Variants in SRFBP1 observed in about 807,000 individuals in gnomAD.
SRFBP1 encodes the protein serum response factor binding protein 1, also known as serum response factor-binding protein 1.
A neutral mutation model predicts 45.5 loss-of-function variants in SRFBP1; 47 were observed. The observed-to-expected ratio is 1.03, with a 90% CI of 0.82 to 1.32. The LOEUF is 1.32. Among genes scored for constraint, SRFBP1 ranks in the 40% most tolerant of loss-of-function variants. The probability of loss-of-function intolerance (pLI) is 0.00; values close to 1 mark genes in which losing one functional copy is unlikely to be tolerated. For synonymous variants in SRFBP1, 203 were observed against 166.3 expected, an observed-to-expected ratio of 1.22 and a Z score of -1.70; for missense variants, 621 against 484.6, an observed-to-expected ratio of 1.28 and a Z score of -2.64.
In SRFBP1 at chr5:122,057,457, T is replaced by TTC. The variant is rs1427279150; in HGVS notation, n.312-17856_312-17855dup. 5.5e-5 allele frequency among the ~76,000 whole-genome samples: 4 copies of TTC among 73,382 alleles called. No homozygotes were observed. The East Asian group carries it at 1.6e-3, about 30-fold the overall frequency. The allele number at this position is 73,382 out of a possible 152,430, so 48.1% of individuals were successfully genotyped here. A position where few individuals can be genotyped will look rare whatever the true frequency, so the allele number is the denominator to read the frequency against. On this transcript the variant is annotated intron_variant and non_coding_transcript_variant, in intron 2 of 2. Transcript: ENST00000504881. ...TATATGCCATTTGGATTGTTCTCAG[T>TTC]TCTGTGTGTGTGTGTGTGTGTGTGT...
intron 2 of SRFBP1, among the ~76,000 whole-genome samples, chr5:122,072,794 G>C (rs140828694): frequency 6.6e-6 from 1 of 152,190 alleles, no homozygotes; most frequent in Non-Finnish European, 1.5e-5. Context: ...CCCAAAGAAG[G>C]GGGGGAACCA....
At chr5:122,059,264 C>T (rs1168488255) in intron 2 of SRFBP1, among the ~76,000 whole-genome samples, 1 of 152,106 alleles carries the variant, frequency 6.6e-6, no homozygotes, top group African/African-American at 2.4e-5. Flanking sequence ...CATCTCTGGT[C>T]AGTCTAGACC....
chr5:122,020,951 G>T, intron 6 of SRFBP1, 149 bp downstream of exon 6: 1 of 659,372 alleles, frequency 1.5e-6, no homozygotes, highest in East Asian at 3.1e-5. Context: ...TTGTAGTGGG[G>T]TATTAGGTAC....
downstream of SRFBP1, among the ~76,000 whole-genome samples, chr5:122,029,185 GTGT>G (rs1753552914): frequency 6.6e-6 from 1 of 152,088 alleles, no homozygotes; most frequent in Non-Finnish European, 1.5e-5. Flanking sequence ...CTGCTAAGCT[GTGT>G]GTAATATATA....
chr5:122,049,447 G>A (rs964534617), intron 2 of SRFBP1, among the ~76,000 whole-genome samples: 1 of 152,078 alleles, frequency 6.6e-6, no homozygotes, highest in Non-Finnish European at 1.5e-5. Flanking sequence ...ACACCCCACT[G>A]TCAACATTAG....
At position 121,975,493 on chromosome 5, in the gene SRFBP1, G is replaced by A. The variant is rs140242680; in HGVS notation, c.198+106G>A. On this transcript the variant is annotated intron_variant, in intron 3 of 7. Coordinates refer to ENST00000339397, the MANE Select transcript of SRFBP1 (RefSeq NM_152546.3). ...TTATTTGAATATTCCCGAGAGTTGC[G>A]TAAGACATCTTGTATCAGTCTGTTT... The A allele has an allele frequency of 6.8e-4, 802 of 1,182,266 alleles. 5 individuals carry two copies. In the African/African-American group the frequency reaches 0.011, roughly 16 times the overall value. The allele number at this position is 1,182,266 out of a possible 1,614,324, so 73.2% of individuals were successfully genotyped here. A position where few individuals can be genotyped will look rare whatever the true frequency, so the allele number is the denominator to read the frequency against.
chr5:122,000,869 T>TAA (rs1167890195), intron 4 of SRFBP1, among the ~76,000 whole-genome samples: 1 of 152,174 alleles, frequency 6.6e-6, no homozygotes, highest in Non-Finnish European at 1.5e-5. Context: ...ATTTTTATGA[T>TAA]AAACTATAAG....
At chr5:122,052,551 T>C (rs962250226) in intron 2 of SRFBP1, among the ~76,000 whole-genome samples, 6 of 152,230 alleles carry the variant, frequency 3.9e-5, no homozygotes, top group Non-Finnish European at 8.8e-5. Context: ...CTGTGAATAC[T>C]GTGTTTGCAT....
chr5:122,011,809 C>T (rs1479451395), intron 4 of SRFBP1, among the ~76,000 whole-genome samples: 1 of 151,670 alleles, frequency 6.6e-6, no homozygotes, highest in Non-Finnish European at 1.5e-5. Context: ...CTGTTCTACT[C>T]ATTCTTGTGA....
intron 1 of SRFBP1, among the ~76,000 whole-genome samples, chr5:121,969,751 C>T (rs953365043): frequency 4.6e-5 from 7 of 152,018 alleles, no homozygotes; most frequent in African/African-American, 2.4e-5. Flanking sequence ...TTGGAAGACC[C>T]TTGGCTTGGC....
At chr5:122,010,353 C>T (rs1753066603) in intron 4 of SRFBP1, among the ~76,000 whole-genome samples, 1 of 152,024 alleles carries the variant, frequency 6.6e-6, no homozygotes, top group African/African-American at 2.4e-5. Context: ...ATATGGTGCT[C>T]TGGGACCAAA....
intron 2 of SRFBP1, among the ~76,000 whole-genome samples, chr5:122,049,674 G>T (rs755049652): frequency 1.1e-4 from 16 of 152,178 alleles, no homozygotes; most frequent in Middle Eastern, 3.4e-3. Flanking sequence ...ATAACAAACT[G>T]TCTCTCAGAC....
chr5:121,970,876 A>C (rs1017744105), intron 1 of SRFBP1, among the ~76,000 whole-genome samples: 1 of 152,096 alleles, frequency 6.6e-6, no homozygotes, highest in African/African-American at 2.4e-5. Context: ...AGACACATTA[A>C]AAATAATCAG....
chr5:122,035,990 A>G (rs1373971419), intron 2 of SRFBP1, among the ~76,000 whole-genome samples: 1 of 152,222 alleles, frequency 6.6e-6, no homozygotes, highest in African/African-American at 2.4e-5. Flanking sequence ...CAGGTATCAA[A>G]CAAACGATGG....
intron 2 of SRFBP1, chr5:122,070,669 T>C: frequency 1.4e-6 from 1 of 719,658 alleles, no homozygotes; most frequent in Admixed American, 2.6e-5. Context: ...ATTTGCAAAT[T>C]AAATTTTAAG....
chr5:122,051,713 C>G (rs1424880888), intron 2 of SRFBP1, among the ~76,000 whole-genome samples: 2 of 151,866 alleles, frequency 1.3e-5, no homozygotes. Context: ...TCTAGCTTGC[C>G]ACTCCATGCC....
intron 2 of SRFBP1, among the ~76,000 whole-genome samples, chr5:121,974,642 T>C (rs1356515598): frequency 6.6e-6 from 1 of 151,954 alleles, no homozygotes; most frequent in African/African-American, 2.4e-5. Context: ...AAGAATCAGT[T>C]TTGAAGATTT....
chr5:121,982,218 C>G (rs1407110860), intron 3 of SRFBP1, among the ~76,000 whole-genome samples: 2 of 151,832 alleles, frequency 1.3e-5, no homozygotes, highest in African/African-American at 4.8e-5. Flanking sequence ...AAAGAGCAAA[C>G]AAGATGCCCT....
intron 3 of SRFBP1, among the ~76,000 whole-genome samples, chr5:121,977,712 A>C (rs1457378923): frequency 6.6e-6 from 1 of 152,136 alleles, no homozygotes; most frequent in Non-Finnish European, 1.5e-5. Flanking sequence ...TATTGATGAC[A>C]TACTATCCTA....
Sources: gnomAD v4.1 joint callset for allele counts (sites outside exome capture counted in the v4.1 genomes callset) on GRCh38, gnomAD v4.1.1 for gene constraint, MANE v1.5 for transcripts, NCBI Gene and HGNC (gene_info 2026-07-23, HGNC 2026-07-21) for gene names.